Variants in HK3 observed in about 807,000 individuals in gnomAD.
HK3 encodes the protein hexokinase 3.
A neutral mutation model predicts 91.0 loss-of-function variants in HK3; 93 were observed. That is an observed-to-expected ratio of 1.02 (90% CI 0.86 to 1.21). The LOEUF (loss-of-function observed/expected upper bound fraction) is 1.21, where lower values mean the gene tolerates loss of function less well. Ranked by LOEUF, HK3 falls within the 50% of genes most tolerant of loss-of-function variation. The pLI is 0.00. For missense variants in HK3, 1,235 were observed against 1,247.4 expected (o/e 0.99, Z 0.15); for synonymous variants, 519 against 516.9 (o/e 1.00, Z -0.06).
rs372638067 is a variant in HK3 at position 176,890,955 on chromosome 5, G to C, written c.415-14C>G. ...AAAGTCAAAGAGCTGCAGGAGAAGTGGGGGGGCTCAGCCTTGCCCATCTGA... is the reference window on the plus strand; with the variant it reads ...AAAGTCAAAGAGCTGCAGGAGAAGTCGGGGGGCTCAGCCTTGCCCATCTGA... On this transcript the variant is annotated splice_polypyrimidine_tract_variant and intron_variant, in intron 4 of 18. Coordinates refer to ENST00000292432, the MANE Select transcript of HK3 (RefSeq NM_002115.3). 14 of 1,613,718 alleles carry C rather than the reference G, an allele frequency of 8.7e-6. No homozygotes were observed. The highest frequency in any genetic ancestry group is 3.3e-5 in the South Asian group (3 of 91,076).
In HK3 at chr5:176,891,198, G is replaced by A. The variant is rs1162812039; in HGVS notation, c.260-7C>T. ...ACCACGAAGTCTCCTTGCTCTGGAG[G>A]GCAAGCAGGTCACAGAAAGCCATGC... On this transcript the variant is annotated splice_polypyrimidine_tract_variant and splice_region_variant and intron_variant, in intron 3 of 18. Transcript: ENST00000292432. 1 of 1,614,102 alleles carries A rather than the reference G, an allele frequency of 6.2e-7. No individual in the cohort carries two copies. The highest frequency in any genetic ancestry group is 1.3e-5 in the African/African-American group (1 of 75,058).
In HK3 at chr5:176,896,190, G is replaced by A. The variant is rs1758907832; in HGVS notation, c.-26-5C>T. 1 of 1,508,632 alleles carries A rather than the reference G, an allele frequency of 6.6e-7. No homozygotes were observed. The highest frequency in any genetic ancestry group is 1.4e-5 in the African/African-American group (1 of 71,722). 93.5% of individuals were successfully genotyped at this position (1,508,632 alleles called of 1,614,324 possible). A position where few individuals can be genotyped will look rare whatever the true frequency, so the allele number is the denominator to read the frequency against. On this transcript the variant is annotated splice_polypyrimidine_tract_variant and splice_region_variant and intron_variant, in intron 1 of 18. Coordinates refer to ENST00000292432, the MANE Select transcript of HK3 (RefSeq NM_002115.3). ...TCCACAGTGGAAGGTGGCCACCTATGGGAGAAAAGGGACAACCTGGGTCAA... is the reference window on the plus strand; with the variant it reads ...TCCACAGTGGAAGGTGGCCACCTATAGGAGAAAAGGGACAACCTGGGTCAA...
At position 176,881,549 on chromosome 5, in the gene HK3, A is replaced by C. The variant is rs776145475; in HGVS notation, c.2394-14T>G. On this transcript the variant is annotated splice_polypyrimidine_tract_variant and intron_variant, in intron 17 of 18. Coordinates refer to ENST00000292432, the MANE Select transcript of HK3 (RefSeq NM_002115.3). ...GCCAGGCTGTCACTGGGGGCCAGGA[A>C]GGAAGAGAGCACAGGGAGGTGGGTC... is the stretch of plus-strand genomic sequence containing the variant. 1.3e-6 allele frequency: 2 copies of C among 1,598,372 alleles called. No individual in the cohort carries two copies. Among genetic ancestry groups the C allele is most frequent in the Non-Finnish European group, 1.7e-6 (2 of 1,173,994 alleles).
rs781050453 is a variant in HK3, at chr5:176,881,712, C to T, written c.2373G>A (p.Lys791=). The T allele has an allele frequency of 3.1e-6, 5 of 1,614,026 alleles. No individual in the cohort carries two copies. The Admixed American group carries it at 5.0e-5, about 16-fold the overall frequency. ...GGCACCTTTCGATCTCAGAGAGGAA[C>T]TTGGTCTTGAAGATGTCCCTGGTCT... is the stretch of plus-strand genomic sequence containing the variant. The part of the protein sequence containing the change: ...RLQTRDIFKT[K]FLSEIESDSL... The change falls in exon 17 of 19, where the codon AAG becomes AAA. Residue 791 remains lysine, a synonymous_variant. Transcript: ENST00000292432.
At position 176,890,834 on chromosome 5, in the gene HK3, C is replaced by T. The variant is rs762862821; in HGVS notation, c.522G>A (p.Thr174=). 19 of 1,614,040 alleles carry T rather than the reference C, an allele frequency of 1.2e-5. No individual in the cohort carries two copies. The Admixed American group carries it at 1.3e-4, about 11-fold the overall frequency. ...CACTCCACCTCACCCTGTCCAAGCC[C>T]GTCTGGTGACAAGGGAAAGAGAAGC... ...GFSFSFPCHQ[T]GLDRSTLISW... Residue 174 remains threonine (T), a synonymous_variant, in exon 5 of 19, where the codon ACG becomes ACA. Transcript: ENST00000292432.
chr5:176,881,904 C>G, intron 16 of HK3, 40 bp downstream of exon 16: 3 of 1,612,114 alleles, frequency 1.9e-6, no homozygotes, highest in South Asian at 2.2e-5. Flanking sequence ...TCCCCAGCAC[C>G]GGTCACAGCC....
chr5:176,884,090 G>A lies in HK3; in HGVS notation c.1902C>T (p.Cys634=), dbSNP rs114856191. 512 of 1,614,100 alleles carry A rather than the reference G, an allele frequency of 3.2e-4. No homozygotes were observed. The highest frequency in any genetic ancestry group is 1.6e-3 in the African/African-American group (122 of 75,030). Residue 634 remains cysteine (C), a synonymous_variant, in exon 14 of 19, where the codon TGC becomes TGT. Coordinates refer to ENST00000292432, the MANE Select transcript of HK3 (RefSeq NM_002115.3). The surrounding 1 kb of genome is among the most constrained non-coding windows in gnomAD (Gnocchi z 4.1). ...NWTKGFKASD[C]EGQDVVSLLR... The stretch of plus-strand genomic sequence containing the variant: ...ACAGACTCACGACATCTTGGCCCTC[G>A]CAGTCTGATGCCTTGAAACCCTTGG...
intron 9 of HK3, 68 bp downstream of exon 9, chr5:176,888,641 G>A (rs1758669428): frequency 3.1e-6 from 5 of 1,611,900 alleles, no homozygotes; most frequent in Non-Finnish European, 2.5e-6. Context: ...GGCTACCTTG[G>A]GAACAGAGTA....
chr5:176,891,297 G>A, intron 3 of HK3, 91 bp downstream of exon 3: 1 of 1,607,216 alleles, frequency 6.2e-7, no homozygotes. Flanking sequence ...AGGGGCCATA[G>A]AGATGGGGGA....
intron 10 of HK3, 32 bp downstream of exon 10, chr5:176,888,300 A>G: frequency 1.3e-6 from 2 of 1,521,756 alleles, no homozygotes; most frequent in Non-Finnish European, 1.8e-6. Flanking sequence ...TGTTCATGCC[A>G]ACTAATCATG....
chr5:176,893,390 T>C (rs1409761437), intron 2 of HK3, among the ~76,000 whole-genome samples: 3 of 152,206 alleles, frequency 2.0e-5, no homozygotes, highest in Non-Finnish European at 1.5e-5. Context: ...CACTCCCTTT[T>C]TCTGGCTCTG....
chr5:176,893,404 T>C (rs1260113482), intron 2 of HK3, among the ~76,000 whole-genome samples: 2 of 152,180 alleles, frequency 1.3e-5, no homozygotes, highest in Non-Finnish European at 1.5e-5. Flanking sequence ...GGCTCTGCAG[T>C]CCTGGGAAAG....
At position 176,881,971 on chromosome 5, in the gene HK3, T is replaced by G. The variant is rs1356383928; in HGVS notation, c.2210A>C (p.Gln737Pro). 6.2e-7 allele frequency: 1 copy of G among 1,613,586 alleles called. No individual in the cohort carries two copies. The highest frequency in any genetic ancestry group is 8.5e-7 in the Non-Finnish European group (1 of 1,180,010). ...LSTRFDASVDQASINPGKQRF... is the reference protein window; with the variant it reads ...LSTRFDASVDPASINPGKQRF... ...CTGCTTGCCGGGGTTGATGGACGCC[T>G]GGTCCACACTTGCATCAAAGCGGGT... The change falls in exon 16 of 19, where the codon CAG becomes CCG. Residue 737 changes from glutamine (Q) to proline (P), a missense_variant. This residue lies in a region of HK3 where 513 missense variants were observed against 477.4 expected (regional missense o/e 1.07). Transcript: ENST00000292432.
In HK3 at chr5:176,887,705, G is replaced by C. The variant is rs371743821; in HGVS notation, c.1346C>G (p.Pro449Arg). The C allele has an allele frequency of 1.2e-6, 2 of 1,612,836 alleles. No individual in the cohort carries two copies. The highest frequency in any genetic ancestry group is 1.7e-6 in the Non-Finnish European group (2 of 1,179,196). ...GGGGATTAAGGAGACATCGCATTCC[G>C]GGGCCAGGAGCATCACTGTCCCCTG... The part of the protein sequence containing the change: ...VLQGTVMLLA[P>R]ECDVSLIPSV... Residue 449 changes from proline (P) to arginine (R), a missense_variant, in exon 11 of 19, where the codon CCG becomes CGG. Physicochemically the swap from Pro to Arg is moderately radical, Grantham distance 103 (BLOSUM62 -2). Around this residue, in one of 3 missense-constraint regions of HK3, gnomAD observed 717 missense variants for 751.6 expected, o/e 0.95. Transcript: ENST00000292432. The surrounding 1 kb of genome is among the most constrained non-coding windows in gnomAD (Gnocchi z 4.9).
Position 176,887,793 on chromosome 5 carries a change from C to T in HK3, c.1305-47G>A. 1 of 1,561,364 alleles carries T rather than the reference C, an allele frequency of 6.4e-7. No individual in the cohort carries two copies. Among genetic ancestry groups the T allele is most frequent in the Non-Finnish European group, 8.7e-7 (1 of 1,148,752 alleles). ...CCCGGCTTGGCCCTGGACCCCCAGA[C>T]ACACACAGGTGTGCACGGCTTGGCC... On this transcript the variant is annotated intron_variant, in intron 10 of 18. Transcript: ENST00000292432. This position sits in a 1 kb window ranked among gnomAD's most constrained non-coding sequence, Gnocchi z 4.9.
intron 2 of HK3, 56 bp from the exon 3 acceptor site, chr5:176,891,606 C>G: frequency 6.4e-7 from 1 of 1,551,968 alleles, no homozygotes; most frequent in Non-Finnish European, 8.7e-7. Flanking sequence ...GGCCAGACTC[C>G]CCACCTCCAA....
At chr5:176,895,368 C>G (rs1001725207) in intron 2 of HK3, among the ~76,000 whole-genome samples, 1 of 152,206 alleles carries the variant, frequency 6.6e-6, no homozygotes, top group Admixed American at 6.5e-5. Flanking sequence ...TGAGCCACCG[C>G]GCCCGGCCAT....
At position 176,891,081 on chromosome 5, in the gene HK3, C is replaced by G; in HGVS notation, c.370G>C (p.Glu124Gln). Residue 124 changes from glutamate to glutamine, a missense_variant, in exon 4 of 19, where the codon GAG becomes CAG. Glu to Gln is a conservative substitution (Grantham distance 29). This residue lies in a region of HK3 where 717 missense variants were observed against 751.6 expected (regional missense o/e 0.95). Coordinates refer to ENST00000292432, the MANE Select transcript of HK3 (RefSeq NM_002115.3). Reference protein sequence around the residue: ...EGHRVEPRSQEFVIPQEVMLG... With the variant: ...EGHRVEPRSQQFVIPQEVMLG... Reference sequence around the variant, plus strand: ...ATCACCTCTTGGGGGATCACAAACTCCTGGCTTCTGGGCTCCACCCTATGC... The same window carrying G: ...ATCACCTCTTGGGGGATCACAAACTGCTGGCTTCTGGGCTCCACCCTATGC... 1 of 1,614,114 alleles carries G rather than the reference C, an allele frequency of 6.2e-7. No homozygotes were observed. The highest frequency in any genetic ancestry group is 8.5e-7 in the Non-Finnish European group (1 of 1,180,036).
At position 176,882,016 on chromosome 5, in the gene HK3, C is replaced by T. The variant is rs139364608; in HGVS notation, c.2165G>A (p.Gly722Asp). The T allele has an allele frequency of 1.1e-4, 185 of 1,613,312 alleles. No homozygotes were observed. The African/African-American group carries it at 2.3e-3, about 20-fold the overall frequency. Residue 722 changes from glycine to aspartate, a missense_variant, in exon 16 of 19, where the codon GGC becomes GAC. Transcript: ENST00000292432. ...NMEWGAFGDDGSLAMLSTRFD... is the reference protein window; with the variant it reads ...NMEWGAFGDDDSLAMLSTRFD... ...GCGGGTGCTGAGCATGGCCAGAGAG[C>T]CATCGTCCCCAAAGGCGCCCCACTC...
Sources: gnomAD v4.1 joint callset for allele counts (sites outside exome capture counted in the v4.1 genomes callset) on GRCh38, gnomAD v4.1.1 for gene constraint, gnomAD v4.1.1 regional missense constraint, Gnocchi (gnomAD v3.1) non-coding constraint, MANE v1.5 for transcripts, NCBI Gene and HGNC (gene_info 2026-07-23, HGNC 2026-07-21) for gene names.